DMRT1: variants seen among roughly 807,000 people sequenced by gnomAD.
The protein encoded by DMRT1 is doublesex and mab-3 related transcription factor 1.
Under a neutral mutation model 32.3 loss-of-function variants are expected in DMRT1, and 7 were observed. The observed-to-expected ratio is 0.22, with a 90% CI of 0.12 to 0.41. DMRT1 has a LOEUF of 0.41. DMRT1 is among the 10% of genes least tolerant of loss of function. The pLI is 1.00. For synonymous variants in DMRT1, 278 were observed against 206.1 expected (o/e 1.35, Z -2.99); for missense variants, 625 against 500.5 (o/e 1.25, Z -2.37).
At chr9:865,505 C>T (rs995811991) in intron 2 of DMRT1, among the ~76,000 whole-genome samples, 3 of 151,856 alleles carry the variant, frequency 2.0e-5, no homozygotes, top group African/African-American at 7.3e-5. Context: ...TACCTTTGTA[C>T]ACTGTGATGA....
At chr9:922,909 G>A (rs767598745) in intron 4 of DMRT1, among the ~76,000 whole-genome samples, 3 of 152,200 alleles carry the variant, frequency 2.0e-5, no homozygotes, top group Non-Finnish European at 4.4e-5. Context: ...GATGGCCACC[G>A]TCAGTGATGG....
chr9:842,434 C>T, intron 1 of DMRT1: 1 of 558,188 alleles, frequency 1.8e-6, no homozygotes, highest in Non-Finnish European at 3.1e-6. Flanking sequence ...GGGGGTTTCA[C>T]CATATTGGTC....
chr9:967,171 T>TG (rs1819956110), intron 4 of DMRT1, among the ~76,000 whole-genome samples: 1 of 152,200 alleles, frequency 6.6e-6, no homozygotes, highest in African/African-American at 2.4e-5. Context: ...AAGGGAGTTC[T>TG]GGGGGTGGAT....
chr9:886,693 T>C (rs1410446344), intron 2 of DMRT1, among the ~76,000 whole-genome samples: 2 of 152,202 alleles, frequency 1.3e-5, no homozygotes, highest in Non-Finnish European at 2.9e-5. Flanking sequence ...ATACATATTT[T>C]AAATTTTGTA....
chr9:930,487 C>G (rs1217253059), intron 4 of DMRT1, among the ~76,000 whole-genome samples: 2 of 151,998 alleles, frequency 1.3e-5, no homozygotes, highest in African/African-American at 2.4e-5. Flanking sequence ...TCTCGGCTCA[C>G]TGCAAGCTCC....
chr9:909,888 A>G (rs1160535025), intron 3 of DMRT1, among the ~76,000 whole-genome samples: 1 of 151,956 alleles, frequency 6.6e-6, no homozygotes, highest in African/African-American at 2.4e-5. Context: ...AATTTTTTAA[A>G]TTTTTTGTAG....
intron 1 of DMRT1, among the ~76,000 whole-genome samples, chr9:846,030 C>T (rs75643061): frequency 7.2e-6 from 1 of 139,400 alleles, no homozygotes; most frequent in Non-Finnish European, 1.5e-5. Flanking sequence ...CCTGTTTTTG[C>T]CTTTTTTTTT....
intron 3 of DMRT1, chr9:894,902 C>A (rs1312564648): frequency 2.0e-5 from 3 of 152,492 alleles, no homozygotes; most frequent in African/African-American, 7.2e-5. Context: ...CAACTTCTGC[C>A]TCCTGGGTTC....
intron 3 of DMRT1, among the ~76,000 whole-genome samples, chr9:909,872 C>T (rs775542414): frequency 1.3e-5 from 2 of 152,100 alleles, no homozygotes; most frequent in Non-Finnish European, 2.9e-5. Flanking sequence ...ACCACCATGC[C>T]TGCCTAATTT....
intron 2 of DMRT1, among the ~76,000 whole-genome samples, chr9:875,012 A>G (rs570573842): frequency 6.1e-4 from 93 of 151,376 alleles, no homozygotes; most frequent in Non-Finnish European, 9.7e-4. Flanking sequence ...GGGTTTCACT[A>G]TGTTAGCCAG....
At chr9:917,855 A>G (rs1337091908) in intron 4 of DMRT1, among the ~76,000 whole-genome samples, 1 of 152,208 alleles carries the variant, frequency 6.6e-6, no homozygotes, top group Admixed American at 6.5e-5. Flanking sequence ...TTAATATGAA[A>G]TATATAGGTC....
intron 4 of DMRT1, among the ~76,000 whole-genome samples, chr9:933,349 A>G (rs1004533858): frequency 1.3e-5 from 2 of 152,232 alleles, no homozygotes; most frequent in African/African-American, 4.8e-5. Context: ...GCACTCAGGA[A>G]ATTCCAAGGG....
At chr9:909,310 AT>A (rs1411036856) in intron 3 of DMRT1, among the ~76,000 whole-genome samples, 2 of 152,146 alleles carry the variant, frequency 1.3e-5, no homozygotes, top group African/African-American at 4.8e-5. Flanking sequence ...TTTAGCCTAT[AT>A]ATTAAAATTT....
intron 4 of DMRT1, among the ~76,000 whole-genome samples, chr9:920,050 A>G (rs1818305633): frequency 6.6e-6 from 1 of 152,214 alleles, no homozygotes; most frequent in Non-Finnish European, 1.5e-5. Context: ...GTTTGTGTGC[A>G]TTACGAGTTT....
At position 944,025 on chromosome 9, in the gene DMRT1, T is replaced by G. The variant is rs79833146; in HGVS notation, c.968-23960T>G. ...CTCTCAGACCTGGGTCATCACTTAG[T>G]AACCATATAAACTTGGGCACCATTT... On this transcript the variant is annotated intron_variant, in intron 4 of 4. Transcript: ENST00000382276. 5.3e-5 allele frequency among the ~76,000 whole-genome samples: 8 copies of G among 152,330 alleles called. No homozygotes were observed. In the East Asian group the frequency reaches 1.5e-3, roughly 29 times the overall value.
At chr9:903,062 A>G (rs1817649228) in intron 3 of DMRT1, among the ~76,000 whole-genome samples, 1 of 152,158 alleles carries the variant, frequency 6.6e-6, no homozygotes, top group African/African-American at 2.4e-5. Context: ...ATTAGTATAA[A>G]CTTTGCCTTA....
intron 2 of DMRT1, among the ~76,000 whole-genome samples, chr9:872,952 A>T (rs893224641): frequency 2.0e-5 from 3 of 152,180 alleles, no homozygotes; most frequent in Non-Finnish European, 4.4e-5. Flanking sequence ...ATGTCCCCCC[A>T]CATTAAAGGC....
At chr9:882,433 C>T (rs769769710) in intron 2 of DMRT1, among the ~76,000 whole-genome samples, 4 of 152,186 alleles carry the variant, frequency 2.6e-5, no homozygotes, top group African/African-American at 4.8e-5. Flanking sequence ...ATCCTTTATA[C>T]ATCCAGAATG....
At chr9:859,833 A>G (rs1428349833) in intron 2 of DMRT1, among the ~76,000 whole-genome samples, 1 of 151,032 alleles carries the variant, frequency 6.6e-6, no homozygotes, top group East Asian at 1.9e-4. Context: ...TCAGTATTAC[A>G]GTAATAGCAG....
Sources: gnomAD v4.1 joint callset for allele counts (sites outside exome capture counted in the v4.1 genomes callset) on GRCh38, gnomAD v4.1.1 for gene constraint, MANE v1.5 for transcripts, NCBI Gene and HGNC (gene_info 2026-07-23, HGNC 2026-07-21) for gene names.